SLC30A8: variants seen among roughly 807,000 people sequenced by gnomAD.
SLC30A8 encodes solute carrier family 30 member 8, also known as proton-coupled zinc antiporter SLC30A8.
A neutral mutation model predicts 36.9 loss-of-function variants in SLC30A8; 27 were observed. That is an observed-to-expected ratio of 0.73 (90% CI 0.54 to 1.01). The LOEUF is 1.01. Among genes scored for constraint, SLC30A8 ranks in the 50% least tolerant of loss-of-function variants. The pLI, the probability that SLC30A8 is intolerant of heterozygous loss-of-function variation, is 0.00. For missense variants in SLC30A8, 439 were observed against 452.0 expected, an observed-to-expected ratio of 0.97 and a Z score of 0.26; for synonymous variants, 164 against 172.4, an observed-to-expected ratio of 0.95 and a Z score of 0.38.
In SLC30A8 at chr8:117,157,837, A is replaced by G. The variant is rs1461042881; in HGVS notation, c.565A>G (p.Asn189Asp). Residue 189 changes from asparagine to aspartate, a missense_variant, in exon 4 of 8, where the codon AAC becomes GAC. Transcript: ENST00000456015. ...CGTTTCCAGCTGCGCAGTGGCGGCC[A>G]ACATTGTGTAAGTCATCCCCTGGTC... ...IIVSSCAVAA[N>D]IVLTVVLHQR... is the part of the protein sequence containing the mutation. The G allele has an allele frequency of 2.5e-6, 4 of 1,614,040 alleles. No homozygotes were observed. Among genetic ancestry groups the G allele is most frequent in the African/African-American group, 1.3e-5 (1 of 75,018 alleles).
intron 2 of SLC30A8, among the ~76,000 whole-genome samples, chr8:117,064,778 C>T (rs1818119480): frequency 6.6e-6 from 1 of 152,190 alleles, no homozygotes; most frequent in Admixed American, 6.5e-5. Context: ...TTCCCCAGCC[C>T]CTCCTCACCC....
chr8:117,077,021 A>C (rs1365374696), intron 2 of SLC30A8, among the ~76,000 whole-genome samples: 1 of 152,178 alleles, frequency 6.6e-6, no homozygotes, highest in East Asian at 1.9e-4. Context: ...GTAATTATAA[A>C]ACTTTTGAAG....
At chr8:117,041,066 C>A (rs1157097005) in intron 2 of SLC30A8, among the ~76,000 whole-genome samples, 2 of 152,198 alleles carry the variant, frequency 1.3e-5, no homozygotes, top group African/African-American at 4.8e-5. Context: ...TGCACAGATG[C>A]ATGCTGGATT....
In SLC30A8 at chr8:117,094,938, C is replaced by T. The variant is rs576119593; in HGVS notation, c.-225-40342C>T. ...AGCAGTGCTGCCCTGAGTGTGTGCA[C>T]GCCTGGCCAGGCTGTGACAGCACCT... is the stretch of plus-strand genomic sequence containing the variant. On this transcript the variant is annotated intron_variant, in intron 2 of 10. Transcript: ENST00000427715. 9.7e-4 allele frequency among the ~76,000 whole-genome samples: 147 copies of T among 152,320 alleles called. No homozygotes were observed. In the Middle Eastern group the frequency reaches 0.014, roughly 14 times the overall value.
intron 1 of SLC30A8, among the ~76,000 whole-genome samples, chr8:116,980,906 T>A (rs1445509108): frequency 6.6e-6 from 1 of 152,238 alleles, no homozygotes; most frequent in African/African-American, 2.4e-5. Context: ...CACTATGATT[T>A]GGTTAACAAA....
At chr8:117,006,691 G>A (rs1226380177) in intron 1 of SLC30A8, among the ~76,000 whole-genome samples, 2 of 151,504 alleles carry the variant, frequency 1.3e-5, no homozygotes, top group Non-Finnish European at 2.9e-5. Flanking sequence ...AATATCTCTA[G>A]TGTAAGGATC....
chr8:117,165,232 T>C (rs1378800988), intron 6 of SLC30A8, among the ~76,000 whole-genome samples: 1 of 152,178 alleles, frequency 6.6e-6, no homozygotes, highest in African/African-American at 2.4e-5. Context: ...ATCCACAATA[T>C]AGTGTTGTTG....
intron 2 of SLC30A8, among the ~76,000 whole-genome samples, chr8:117,043,867 T>A (rs566965374): frequency 6.0e-4 from 91 of 152,332 alleles, no homozygotes; most frequent in African/African-American, 2.1e-3. Context: ...TTTCAGTATG[T>A]TTTTTAGTTC....
chr8:117,018,663 G>GC (rs67272812), intron 1 of SLC30A8, among the ~76,000 whole-genome samples: 161 of 102,354 alleles, frequency 1.6e-3, no homozygotes, highest in Non-Finnish European at 1.8e-3. Context: ...AATCTGACTA[G>GC]CCCCCCCCCC....
Position 117,042,941 on chromosome 8 carries a change from G to A in SLC30A8, c.-226+3683G>A, listed in dbSNP as rs1586434377. 2.0e-5 allele frequency among the ~76,000 whole-genome samples: 3 copies of A among 152,330 alleles called. No homozygotes were observed. The East Asian group carries it at 5.8e-4, about 29-fold the overall frequency. On this transcript the variant is annotated intron_variant, in intron 2 of 10. Coordinates refer to the SLC30A8 transcript ENST00000427715. ...TCCGCTGGCCTTGGCTTCCCAAAGT[G>A]CTGGGATTACAGGCGTGAGCCACCG...
intron 3 of SLC30A8, 119 bp downstream of exon 3, chr8:117,153,209 G>C (rs1822284589): frequency 9.8e-7 from 1 of 1,019,948 alleles, no homozygotes; most frequent in Non-Finnish European, 1.4e-6. Flanking sequence ...CATTTCTGAT[G>C]CACAGGATAA....
At chr8:116,954,043 G>A (rs549834524) in intron 1 of SLC30A8, among the ~76,000 whole-genome samples, 81 of 152,284 alleles carry the variant, frequency 5.3e-4, no homozygotes, top group African/African-American at 1.9e-3. Flanking sequence ...GATGCAGAGA[G>A]TAGTCCTAAC....
intron 1 of SLC30A8, among the ~76,000 whole-genome samples, chr8:116,979,383 A>G (rs1382261676): frequency 6.6e-6 from 1 of 152,168 alleles, no homozygotes; most frequent in African/African-American, 2.4e-5. Flanking sequence ...AAAGCAGAGA[A>G]GGGATAGAGA....
intron 2 of SLC30A8, among the ~76,000 whole-genome samples, chr8:117,087,157 G>A (rs534139476): frequency 3.9e-5 from 6 of 152,118 alleles, no homozygotes; most frequent in Non-Finnish European, 7.4e-5. Flanking sequence ...AAAACAGTAC[G>A]TGATTGGCAT....
intron 1 of SLC30A8, among the ~76,000 whole-genome samples, chr8:117,139,420 A>G (rs937423903): frequency 6.6e-6 from 1 of 152,118 alleles, no homozygotes; most frequent in Non-Finnish European, 1.5e-5. Flanking sequence ...GCAAGCATCT[A>G]TTAGCCAGAA....
intron 1 of SLC30A8, among the ~76,000 whole-genome samples, chr8:117,011,530 A>G (rs1816344401): frequency 6.6e-6 from 1 of 152,196 alleles, no homozygotes; most frequent in Non-Finnish European, 1.5e-5. Flanking sequence ...AGAGAAGCCT[A>G]GAGAGAGCTG....
In SLC30A8 at chr8:117,176,602, T is replaced by TTTAAC. The variant is rs1412212144; in HGVS notation, c.*3924_*3928dup. 1 of 152,534 alleles carries TTTAAC rather than the reference T, an allele frequency of 6.6e-6. No individual in the cohort carries two copies. Among genetic ancestry groups the TTTAAC allele is most frequent in the Non-Finnish European group, 1.5e-5 (1 of 67,990 alleles). The allele number at this position is 152,534 out of a possible 1,614,324, so 9.4% of individuals were successfully genotyped here. A position where few individuals can be genotyped will look rare whatever the true frequency, so the allele number is the denominator to read the frequency against. On this transcript the variant is annotated 3_prime_UTR_variant, in exon 8 of 8. Transcript: ENST00000456015. ...AAGGTGACCATCTGCGGTTTAGTTT[T>TTTAAC]TTAACTTTCTGATTTCACACTTAAC...
chr8:117,119,993 A>G (rs1341374750), intron 2 of SLC30A8, among the ~76,000 whole-genome samples: 1 of 151,974 alleles, frequency 6.6e-6, no homozygotes, highest in African/African-American at 2.4e-5. Context: ...ATAAAAAGAC[A>G]TCTTGTGCTC....
intron 2 of SLC30A8, among the ~76,000 whole-genome samples, chr8:117,048,133 C>T (rs541238733): frequency 6.8e-4 from 104 of 152,332 alleles, no homozygotes; most frequent in African/African-American, 2.4e-3. Context: ...ACTCTACAGA[C>T]TTGCCCTGAA....
Sources: gnomAD v4.1 joint callset for allele counts (sites outside exome capture counted in the v4.1 genomes callset) on GRCh38, gnomAD v4.1.1 for gene constraint, MANE v1.5 for transcripts, NCBI Gene and HGNC (gene_info 2026-07-23, HGNC 2026-07-21) for gene names.